The following PGM2 variants were observed in gnomAD, a reference collection of about 807,000 sequenced individuals.
PGM2 encodes phosphoglucomutase 2, also known as phosphopentomutase.
A neutral mutation model predicts 74.6 loss-of-function variants in PGM2; 57 were observed. The observed-to-expected ratio is 0.76, with a 90% CI of 0.62 to 0.95. The LOEUF (loss-of-function observed/expected upper bound fraction) is 0.95. Ranked by LOEUF, PGM2 falls within the 40% of genes least tolerant of loss-of-function variation. The probability of loss-of-function intolerance (pLI) is 0.00; values close to 1 mark genes in which losing one functional copy is unlikely to be tolerated. For missense variants in PGM2, 706 were observed against 741.9 expected, an observed-to-expected ratio of 0.95 and a Z score of 0.56; for synonymous variants, 273 against 260.7, an observed-to-expected ratio of 1.05 and a Z score of -0.46.
rs368202392 is a variant in PGM2, at chr4:37,852,227, A to G, written c.1602+1854A>G. On this transcript the variant is annotated intron_variant, in intron 12 of 13. Coordinates refer to ENST00000381967, the MANE Select transcript of PGM2 (RefSeq NM_018290.4). ...GTGATCCTCCTGCCTTAGCCTCCCA[A>G]AGTACTGGGATTACAGGCGTAAGCT... Among the ~76,000 whole-genome samples the G allele has an allele frequency of 4.6e-3, 671 of 147,116 alleles. 2 individuals are homozygous for G. The highest frequency in any genetic ancestry group is 7.3e-3 in the Middle Eastern group (2 of 274).
At chr4:37,840,347 T>G (rs1031290831) in intron 6 of PGM2, 88 bp downstream of exon 6, 1 of 763,706 alleles carries the variant, frequency 1.3e-6, no homozygotes, top group Non-Finnish European at 2.3e-6. Context: ...TTCTCTTTAA[T>G]TTGCTCATGT....
intron 13 of PGM2, among the ~76,000 whole-genome samples, chr4:37,856,904 A>G (rs1472136793): frequency 3.9e-5 from 6 of 152,170 alleles, no homozygotes; most frequent in African/African-American, 1.4e-4. Flanking sequence ...ATTACAACAT[A>G]TAATCAGTAT....
rs571556915 is a variant in PGM2 at position 37,841,092 on chromosome 4, A to ATG, written c.719+834_719+835insGT. On this transcript the variant is annotated intron_variant, in intron 6 of 13. Coordinates refer to ENST00000381967, the MANE Select transcript of PGM2 (RefSeq NM_018290.4). ...CAAGCGTATATATATATATATATAT[A>ATG]TATATATATGTGTGTGTGTGTGTTT... Among the ~76,000 whole-genome samples, 188 of 111,564 alleles carry ATG rather than the reference A, an allele frequency of 1.7e-3. 1 individual carries two copies. The highest frequency in any genetic ancestry group is 5.4e-3 in the African/African-American group (109 of 20,026). The allele number at this position is 111,564 out of a possible 152,430, so 73.2% of individuals were successfully genotyped here. A position where few individuals can be genotyped will look rare whatever the true frequency, so the allele number is the denominator to read the frequency against.
intron 12 of PGM2, among the ~76,000 whole-genome samples, chr4:37,852,128 C>T (rs1203814937): frequency 1.4e-5 from 2 of 138,398 alleles, no homozygotes; most frequent in African/African-American, 5.3e-5. Context: ...CCATCATGCC[C>T]AGCTCTTTTT....
At chr4:37,840,485 C>T (rs955191734) in intron 6 of PGM2, among the ~76,000 whole-genome samples, 2 of 152,164 alleles carry the variant, frequency 1.3e-5, no homozygotes, top group Non-Finnish European at 1.5e-5. Flanking sequence ...TGGGTTCAAG[C>T]GATTCTTGTG....
chr4:37,848,090 A>T (rs1204506397), intron 10 of PGM2, among the ~76,000 whole-genome samples: 5 of 152,218 alleles, frequency 3.3e-5, no homozygotes, highest in African/African-American at 1.2e-4. Flanking sequence ...TGACTCTAAA[A>T]GAAATGGATG....
chr4:37,849,394 T>G (rs1021934783), intron 11 of PGM2, among the ~76,000 whole-genome samples: 9 of 149,566 alleles, frequency 6.0e-5, no homozygotes, highest in African/African-American at 2.2e-4. Flanking sequence ...TGGGGTAGAT[T>G]GTTGGACCTC....
At chr4:37,829,731 A>C (rs1645270739) in intron 1 of PGM2, among the ~76,000 whole-genome samples, 1 of 152,154 alleles carries the variant, frequency 6.6e-6, no homozygotes. Context: ...TAAAATCTCT[A>C]CTTTGATTTC....
At position 37,838,148 on chromosome 4, in the gene PGM2, T is replaced by G. The variant is rs533321711; in HGVS notation, c.441+535T>G. ...CACCCAGCTTGGCCTCCGGAAGTGC[T>G]GGGATTACAGGCATGAGCCACCACG... On this transcript the variant is annotated intron_variant, in intron 4 of 13. Transcript: ENST00000381967. 5.9e-5 allele frequency among the ~76,000 whole-genome samples: 9 copies of G among 152,340 alleles called. No homozygotes were observed. The East Asian group carries it at 1.7e-3, about 29-fold the overall frequency.
intron 1 of PGM2, 110 bp downstream of exon 1, chr4:37,826,923 C>T: frequency 1.5e-6 from 1 of 653,742 alleles, no homozygotes; most frequent in Non-Finnish European, 2.6e-6. Context: ...CCAGTGCATC[C>T]CGCTTCTCCC....
chr4:37,861,521 A>C lies in PGM2; in HGVS notation c.1748A>C (p.Gln583Pro), dbSNP rs1338372790. ...CAPPGNSDPE[Q>P]LKKELNELVS... is the part of the protein sequence containing the mutation. ...CCCTTATTTTCCAGTGATCCTGAGC[A>C]GCTGAAGAAGGAACTGAATGAACTG... Residue 583 changes from glutamine (Q) to proline (P), a missense_variant, in exon 14 of 14, where the codon CAG becomes CCG. Gln to Pro is a moderately conservative substitution (Grantham distance 76). Around this residue, in one of 3 missense-constraint regions of PGM2, gnomAD observed 359 missense variants for 371.1 expected, o/e 0.97. Transcript: ENST00000381967. 1.2e-6 allele frequency: 2 copies of C among 1,610,162 alleles called. No individual in the cohort carries two copies. The highest frequency in any genetic ancestry group is 2.7e-5 in the African/African-American group (2 of 74,850).
chr4:37,831,192 CA>C lies in PGM2; in HGVS notation c.249+1082del, dbSNP rs11432971. Among the ~76,000 whole-genome samples the C allele has an allele frequency of 0.02, 1,485 of 74,042 alleles. 60 individuals carry two copies. The East Asian group carries it at 0.25, about 12-fold the overall frequency. 48.6% of individuals were successfully genotyped at this position (74,042 alleles called of 152,430 possible). On this transcript the variant is annotated intron_variant, in intron 2 of 13. Coordinates refer to ENST00000381967, the MANE Select transcript of PGM2 (RefSeq NM_018290.4). ...TGGGCAACAGAGCAAGACTCTGTCT[CA>C]AAAAAAAAAAAAAAAAAAAAGAATT...
Position 37,850,185 on chromosome 4 carries a change from T to C in PGM2, c.1414T>C (p.Tyr472His). 1 of 1,533,040 alleles carries C rather than the reference T, an allele frequency of 6.5e-7. No individual in the cohort carries two copies. The highest frequency in any genetic ancestry group is 1.2e-5 in the South Asian group (1 of 82,338). The allele number at this position is 1,533,040 out of a possible 1,614,324, so 95.0% of individuals were successfully genotyped here. A position where few individuals can be genotyped will look rare whatever the true frequency, so the allele number is the denominator to read the frequency against. The change falls in exon 12 of 14, where the codon TAT (tyrosine) becomes CAT (histidine). Residue 472 changes from tyrosine (Y) to histidine (H), a missense_variant and splice_region_variant. Physicochemically the swap from Tyr to His is moderately conservative, Grantham distance 83 (BLOSUM62 2). Coordinates refer to ENST00000381967, the MANE Select transcript of PGM2 (RefSeq NM_018290.4). The part of the protein sequence containing the change: ...SQQLKAIYVE[Y>H]GYHITKASYF... ...CATGAATTTGTATTTGTTTGATAGG[T>C]ATGGCTACCATATTACTAAAGCTTC...
chr4:37,845,174 T>G (rs1159213160), intron 7 of PGM2, among the ~76,000 whole-genome samples: 2 of 152,184 alleles, frequency 1.3e-5, no homozygotes, highest in Non-Finnish European at 2.9e-5. Flanking sequence ...AGTGAAACTT[T>G]AGCAGGTTAT....
At chr4:37,840,309 C>G in intron 6 of PGM2, 50 bp downstream of exon 6, 1 of 1,093,952 alleles carries the variant, frequency 9.1e-7, no homozygotes, top group Non-Finnish European at 1.4e-6. Flanking sequence ...TGTGATTCAG[C>G]CAAATTCTAT....
At chr4:37,838,288 A>G (rs1446420357) in intron 4 of PGM2, among the ~76,000 whole-genome samples, 3 of 152,232 alleles carry the variant, frequency 2.0e-5, no homozygotes, top group Admixed American at 6.5e-5. Context: ...CTTGTCATGA[A>G]TATTTTTGAC....
intron 2 of PGM2, among the ~76,000 whole-genome samples, chr4:37,833,472 G>C (rs1725486837): frequency 6.6e-6 from 1 of 152,164 alleles, no homozygotes; most frequent in Admixed American, 6.5e-5. Flanking sequence ...GAGGTGAGAG[G>C]ATTACTTGAG....
chr4:37,842,489 G>A (rs1182155569), intron 6 of PGM2, among the ~76,000 whole-genome samples: 4 of 151,096 alleles, frequency 2.6e-5, no homozygotes, highest in Non-Finnish European at 4.4e-5. Context: ...AAGTAGGAAA[G>A]CAGATTAGAT....
intron 6 of PGM2, among the ~76,000 whole-genome samples, chr4:37,842,232 C>A (rs1424420446): frequency 2.7e-5 from 4 of 149,006 alleles, no homozygotes; most frequent in Non-Finnish European, 3.0e-5. Flanking sequence ...TAGATGTTTT[C>A]TGTTGTCTTT....
Sources: gnomAD v4.1 joint callset for allele counts (sites outside exome capture counted in the v4.1 genomes callset) on GRCh38, gnomAD v4.1.1 for gene constraint, gnomAD v4.1.1 regional missense constraint, MANE v1.5 for transcripts, NCBI Gene and HGNC (gene_info 2026-07-23, HGNC 2026-07-21) for gene names.